The following NPTN variants were observed in gnomAD, a reference collection of about 807,000 sequenced individuals.
The protein encoded by NPTN is SDR-1.
In NPTN, 5 loss-of-function variants were observed where a neutral mutation model predicts 42.7. The observed-to-expected ratio is 0.12, with a 90% CI of 0.06 to 0.25. The LOEUF is 0.25. NPTN is among the 10% of genes least tolerant of loss of function. NPTN has a pLI of 1.00. For missense variants in NPTN, 307 were observed against 525.4 expected, an observed-to-expected ratio of 0.58 and a Z score of 4.06; for synonymous variants, 180 against 201.9, an observed-to-expected ratio of 0.89 and a Z score of 0.92.
At chr15:73,568,876 A>G in intron 6 of NPTN, 1 of 985,538 alleles carries the variant, frequency 1.0e-6, no homozygotes, top group Non-Finnish European at 1.2e-6. Context: ...AACTGCTGAG[A>G]AGAAAGGAAA....
Position 73,570,960 on chromosome 15 carries a change from TTA to T in NPTN, c.841-539_841-538del, listed in dbSNP as rs1411927983. ...TTTCCTTTCATTTAAGGACTAGAGG[TTA>T]GAGGAAAGGTTATTCAATCAATCAA... On this transcript the variant is annotated intron_variant, in intron 5 of 8. Coordinates refer to ENST00000345330, the MANE Select transcript of NPTN (RefSeq NM_012428.4). This position sits in a 1 kb window ranked among gnomAD's most constrained non-coding sequence, Gnocchi z 4.0. Among the ~76,000 whole-genome samples, 1 of 152,008 alleles carries T rather than the reference TTA, an allele frequency of 6.6e-6. No homozygotes were observed. The highest frequency in any genetic ancestry group is 2.4e-5 in the African/African-American group (1 of 41,374).
rs938804529 is a variant in NPTN at position 73,573,547 on chromosome 15, G to A, written c.840+115C>T. 6 of 1,185,356 alleles carry A rather than the reference G, an allele frequency of 5.1e-6. No individual in the cohort carries two copies. In the African/African-American group the frequency reaches 7.9e-5, roughly 16 times the overall value. 73.4% of individuals were successfully genotyped at this position (1,185,356 alleles called of 1,614,324 possible). On this transcript the variant is annotated intron_variant, in intron 5 of 8. Coordinates refer to ENST00000345330, the MANE Select transcript of NPTN (RefSeq NM_012428.4). ...TGTAAACCGTGACTCTAGAAAGGGT[G>A]ACCCTCGCCATGCACACATCCGAGG...
At chr15:73,568,571 A>T in intron 6 of NPTN, 1 of 985,426 alleles carries the variant, frequency 1.0e-6, no homozygotes, top group African/African-American at 1.7e-5. Flanking sequence ...GAGTCCTAAT[A>T]TGTAGCAGGA....
At chr15:73,622,529 C>T (rs568665799) in intron 1 of NPTN, among the ~76,000 whole-genome samples, 2 of 148,850 alleles carry the variant, frequency 1.3e-5, no homozygotes, top group East Asian at 3.9e-4. Flanking sequence ...CTGACGCCCT[C>T]AGCCCACCTT....
At position 73,561,041 on chromosome 15, in the gene NPTN, C is replaced by T. The variant is rs1027770848; in HGVS notation, c.*22G>A. Reference sequence around the variant, plus strand: ...TCATGTTGCCACCAGTTTCAGGAACCTAAAGATCTGTAAAGAAATATGTAT... The same window carrying T: ...TCATGTTGCCACCAGTTTCAGGAACTTAAAGATCTGTAAAGAAATATGTAT... On this transcript the variant is annotated 3_prime_UTR_variant, in exon 9 of 9. Transcript: ENST00000345330. 6.6e-6 allele frequency: 1 copy of T among 152,614 alleles called. No individual in the cohort carries two copies. The highest frequency in any genetic ancestry group is 1.5e-5 in the Non-Finnish European group (1 of 68,036). 9.5% of individuals were successfully genotyped at this position (152,614 alleles called of 1,614,324 possible). A position where few individuals can be genotyped will look rare whatever the true frequency, so the allele number is the denominator to read the frequency against.
intron 1 of NPTN, among the ~76,000 whole-genome samples, chr15:73,612,566 G>C (rs1897643526): frequency 6.6e-6 from 1 of 152,046 alleles, no homozygotes; most frequent in African/African-American, 2.4e-5. Context: ...AGGAGATTGA[G>C]ACCATCCTGG....
At chr15:73,618,562 G>C (rs1241800881) in intron 1 of NPTN, among the ~76,000 whole-genome samples, 3 of 152,188 alleles carry the variant, frequency 2.0e-5, no homozygotes, top group Non-Finnish European at 2.9e-5. Flanking sequence ...AATTAAGATA[G>C]GAAAAATAAA....
At chr15:73,573,551 C>T in intron 5 of NPTN, 111 bp downstream of exon 5, 1 of 1,256,996 alleles carries the variant, frequency 8.0e-7, no homozygotes, top group Admixed American at 2.8e-5. Context: ...AAGGGTGACC[C>T]TCGCCATGCA....
intron 1 of NPTN, among the ~76,000 whole-genome samples, chr15:73,616,661 A>G (rs551679863): frequency 1.1e-4 from 16 of 152,280 alleles, no homozygotes; most frequent in African/African-American, 3.6e-4. Context: ...AACTTGTTTC[A>G]GGTCTGTATT....
chr15:73,629,506 G>T (rs1401934793), intron 1 of NPTN, among the ~76,000 whole-genome samples: 1 of 151,352 alleles, frequency 6.6e-6, no homozygotes, highest in Non-Finnish European at 1.5e-5. Flanking sequence ...AAAGATCCAT[G>T]AATCATCTAA....
At chr15:73,574,821 T>C (rs1234204406) in intron 4 of NPTN, among the ~76,000 whole-genome samples, 1 of 152,232 alleles carries the variant, frequency 6.6e-6, no homozygotes, top group African/African-American at 2.4e-5. Flanking sequence ...CTAGAGGCCG[T>C]TGGTCTTCTC....
chr15:73,598,936 C>G (rs1014588908), intron 1 of NPTN, among the ~76,000 whole-genome samples: 1 of 152,164 alleles, frequency 6.6e-6, no homozygotes, highest in Non-Finnish European at 1.5e-5. Context: ...AATGGAGGTA[C>G]TATACTTACT....
At chr15:73,607,007 C>A (rs1298100825) in intron 1 of NPTN, among the ~76,000 whole-genome samples, 1 of 152,172 alleles carries the variant, frequency 6.6e-6, no homozygotes, top group Non-Finnish European at 1.5e-5. Context: ...GGCCTATCCT[C>A]AGTGAGAATG....
At chr15:73,585,128 T>C (rs1896252207) in intron 4 of NPTN, among the ~76,000 whole-genome samples, 1 of 152,126 alleles carries the variant, frequency 6.6e-6, no homozygotes, top group African/African-American at 2.4e-5. Context: ...GAGAGCAGAA[T>C]AGATGATGAA....
chr15:73,592,199 G>A (rs894644913), intron 2 of NPTN, 62 bp from the exon 3 acceptor site: 6 of 1,463,576 alleles, frequency 4.1e-6, no homozygotes, highest in Admixed American at 3.6e-5. Context: ...GCCCTGGCCT[G>A]AGAGTTGGAC....
chr15:73,567,304 G>C (rs928077762), intron 6 of NPTN: 2 of 985,194 alleles, frequency 2.0e-6, no homozygotes, highest in Admixed American at 6.2e-5. Context: ...TGGCAAAGTA[G>C]AAGTATGGCA....
chr15:73,568,443 G>A (rs555357438), intron 6 of NPTN: 12 of 985,262 alleles, frequency 1.2e-5, no homozygotes, highest in Admixed American at 6.2e-5. Context: ...GGATAAAAAG[G>A]CCCTTTTCAG....
intron 5 of NPTN, among the ~76,000 whole-genome samples, chr15:73,571,581 C>T (rs1400650897): frequency 1.3e-5 from 2 of 152,130 alleles, no homozygotes; most frequent in Non-Finnish European, 2.9e-5. Flanking sequence ...GACAGCTGAT[C>T]AAACAGGGAG....
At chr15:73,616,378 TAAC>T (rs1897862122) in intron 1 of NPTN, among the ~76,000 whole-genome samples, 2 of 152,070 alleles carry the variant, frequency 1.3e-5, no homozygotes, top group African/African-American at 2.4e-5. Context: ...TGTATCTAAT[TAAC>T]AACAACAAAC....
Sources: allele counts gnomAD v4.1 joint callset (sites outside exome capture counted in the v4.1 genomes callset), GRCh38; gene constraint gnomAD v4.1.1; non-coding constraint Gnocchi (gnomAD v3.1); transcripts MANE v1.5; gene names NCBI Gene and HGNC (gene_info 2026-07-23, HGNC 2026-07-21).